The following GPC3 variants were observed in gnomAD, a reference collection of about 807,000 sequenced individuals.
GPC3 encodes glypican-3.
Under a neutral mutation model 34.4 loss-of-function variants are expected in GPC3, and 3 were observed. The ratio of observed to expected loss-of-function variants is 0.09; its 90% CI spans 0.04 to 0.23. The LOEUF (loss-of-function observed/expected upper bound fraction) is 0.23. Among genes scored for constraint, GPC3 ranks in the 10% least tolerant of loss-of-function variants. The pLI is 1.00. For missense variants in GPC3, 351 were observed against 445.6 expected (o/e 0.79, Z 1.91); for synonymous variants, 177 against 174.0 (o/e 1.02, Z -0.13).
intron 2 of GPC3, among the ~76,000 whole-genome samples, chrX:133,889,296 G>T (rs1013448386): frequency 1.7e-4 from 19 of 112,388 alleles, no homozygotes; most frequent in African/African-American, 6.1e-4. Flanking sequence ...ACATCCTGCA[G>T]TTTAGGAAAT....
At chrX:133,934,830 T>A (rs969499941) in intron 2 of GPC3, among the ~76,000 whole-genome samples, 1 of 111,049 alleles carries the variant, frequency 9.0e-6, no homozygotes, top group Non-Finnish European at 1.9e-5. Flanking sequence ...GACTTCTTTA[T>A]AAATTATCCA....
At chrX:133,550,266 C>T (rs1290003090) in intron 7 of GPC3, among the ~76,000 whole-genome samples, 1 of 110,636 alleles carries the variant, frequency 9.0e-6, no homozygotes, top group Non-Finnish European at 1.9e-5. Flanking sequence ...CTGCCTGTCT[C>T]GGCCTCCTAA....
chrX:133,663,794 A>G (rs1190969462), intron 5 of GPC3, among the ~76,000 whole-genome samples: 2 of 111,929 alleles, frequency 1.8e-5, no homozygotes, highest in Non-Finnish European at 3.8e-5. Flanking sequence ...GAGTGAATGA[A>G]CCTGGCATAC....
chrX:133,777,714 T>C (rs2072002001), intron 2 of GPC3, among the ~76,000 whole-genome samples: 1 of 111,842 alleles, frequency 8.9e-6, no homozygotes, highest in African/African-American at 3.3e-5. Flanking sequence ...GGGTGCTTGT[T>C]AAATATACAG....
At chrX:133,882,337 G>T (rs2076045409) in intron 2 of GPC3, among the ~76,000 whole-genome samples, 1 of 111,418 alleles carries the variant, frequency 9.0e-6, no homozygotes, top group Admixed American at 9.6e-5. Flanking sequence ...GACTAAAATT[G>T]TTTCTAGGTG....
At position 133,679,418 on chromosome X, in the gene GPC3, G is replaced by A. The variant is rs1433387959; in HGVS notation, c.1292+12951C>T. On this transcript the variant is annotated intron_variant, in intron 5 of 7. Transcript: ENST00000370818. The stretch of plus-strand genomic sequence containing the variant: ...ACAGCAACCCTTTGAGGTAGGCAGG[G>A]GAGGTATTAATTTCACAAAAGGAGA... Among the ~76,000 whole-genome samples the A allele has an allele frequency of 3.6e-5, 4 of 111,054 alleles. No homozygotes were observed. In the East Asian group the frequency reaches 1.1e-3, roughly 31 times the overall value.
At chrX:133,900,088 C>CTTA (rs2076137606) in intron 2 of GPC3, among the ~76,000 whole-genome samples, 1 of 112,042 alleles carries the variant, frequency 8.9e-6, no homozygotes, top group African/African-American at 3.2e-5. Flanking sequence ...CAGGCATGAG[C>CTTA]CACCGCGCCC....
chrX:133,576,092 G>A (rs774153482), intron 7 of GPC3, among the ~76,000 whole-genome samples: 1 of 111,827 alleles, frequency 8.9e-6, no homozygotes, highest in East Asian at 2.8e-4. Context: ...AAAGTCAGAG[G>A]CTATTTACTA....
chrX:133,912,012 G>A (rs1212275106), intron 2 of GPC3, among the ~76,000 whole-genome samples: 1 of 112,192 alleles, frequency 8.9e-6, no homozygotes, highest in Non-Finnish European at 1.9e-5. Context: ...AATAATCTGT[G>A]GAAGTGGTTT....
At chrX:133,939,271 G>A (rs1163328194) in intron 2 of GPC3, among the ~76,000 whole-genome samples, 1 of 112,171 alleles carries the variant, frequency 8.9e-6, no homozygotes, top group East Asian at 2.8e-4. Flanking sequence ...GGAGATGATT[G>A]AAAATACAAT....
chrX:133,741,402 A>G (rs961579958), intron 3 of GPC3, among the ~76,000 whole-genome samples: 4 of 111,847 alleles, frequency 3.6e-5, no homozygotes, highest in African/African-American at 1.3e-4. Context: ...GGCCACACGT[A>G]GAAAACAGGA....
At chrX:133,791,097 T>C (rs2072155506) in intron 2 of GPC3, among the ~76,000 whole-genome samples, 1 of 111,830 alleles carries the variant, frequency 8.9e-6, no homozygotes, top group Admixed American at 9.4e-5. Context: ...AAAAGAGACC[T>C]TCTCACCACA....
chrX:133,839,939 A>AG (rs1474735325), intron 2 of GPC3, among the ~76,000 whole-genome samples: 3 of 108,815 alleles, frequency 2.8e-5, no homozygotes, highest in Non-Finnish European at 5.7e-5. Flanking sequence ...AAAAAAAAAA[A>AG]AAAAAAAGAC....
At chrX:133,880,700 A>G (rs1157310730) in intron 2 of GPC3, among the ~76,000 whole-genome samples, 3 of 112,087 alleles carry the variant, frequency 2.7e-5, no homozygotes, top group Non-Finnish European at 5.6e-5. Context: ...GATCAGGAAA[A>G]AAGTCAGAAA....
At chrX:133,763,667 C>CA (rs1223401407) in intron 2 of GPC3, 25 of 650,149 alleles carry the variant, frequency 3.8e-5, no homozygotes, top group Non-Finnish European at 6.2e-5. Context: ...GTAGGAGCAA[C>CA]CACTGGTTAG....
intron 2 of GPC3, among the ~76,000 whole-genome samples, chrX:133,925,811 G>A (rs1373459811): frequency 9.0e-6 from 1 of 111,524 alleles, no homozygotes; most frequent in Admixed American, 9.5e-5. Flanking sequence ...GGGCAATTCC[G>A]AGTACCACAA....
intron 3 of GPC3, among the ~76,000 whole-genome samples, chrX:133,749,988 C>T (rs968411275): frequency 6.3e-5 from 7 of 111,267 alleles, no homozygotes; most frequent in African/African-American, 2.0e-4. Context: ...CCATTTGGTA[C>T]GTATTACTTA....
intron 2 of GPC3, among the ~76,000 whole-genome samples, chrX:133,861,960 C>A (rs975253626): frequency 8.9e-6 from 1 of 112,018 alleles, no homozygotes; most frequent in African/African-American, 3.2e-5. Flanking sequence ...AATGCAAGAA[C>A]AGCCTAATAT....
intron 2 of GPC3, among the ~76,000 whole-genome samples, chrX:133,900,522 G>T (rs1192257207): frequency 9.0e-6 from 1 of 111,100 alleles, no homozygotes; most frequent in Non-Finnish European, 1.9e-5. Flanking sequence ...GAAGATCTGA[G>T]GATTAAACAA....
Sources: allele counts gnomAD v4.1 joint callset (sites outside exome capture counted in the v4.1 genomes callset), GRCh38; gene constraint gnomAD v4.1.1; transcripts MANE v1.5; gene names NCBI Gene and HGNC (gene_info 2026-07-23, HGNC 2026-07-21).